LRRC1: variants seen among roughly 807,000 people sequenced by gnomAD.
LRRC1 encodes the protein leucine rich repeat containing 1, also known as leucine-rich repeat-containing protein 1.
A neutral mutation model predicts 69.9 loss-of-function variants in LRRC1; 28 were observed. The ratio of observed to expected loss-of-function variants is 0.40; its 90% CI spans 0.30 to 0.55. The LOEUF (loss-of-function observed/expected upper bound fraction) is 0.55. LRRC1 is among the 20% of genes least tolerant of loss of function. The probability of loss-of-function intolerance (pLI) is 0.47; values close to 1 mark genes in which losing one functional copy is unlikely to be tolerated. For missense variants in LRRC1, 498 were observed against 609.0 expected, an observed-to-expected ratio of 0.82 and a Z score of 1.92; for synonymous variants, 236 against 240.2, an observed-to-expected ratio of 0.98 and a Z score of 0.16.
chr6:53,797,571 C>A (rs1446171787), intron 1 of LRRC1, among the ~76,000 whole-genome samples: 2 of 152,018 alleles, frequency 1.3e-5, no homozygotes, highest in African/African-American at 2.4e-5. Context: ...CTGCCACACA[C>A]AAGCGCATCT....
chr6:53,841,564 A>ATCTT (rs1284924380), intron 1 of LRRC1, among the ~76,000 whole-genome samples: 1 of 152,168 alleles, frequency 6.6e-6, no homozygotes, highest in African/African-American at 2.4e-5. Flanking sequence ...ATGGGGAAAG[A>ATCTT]GCATGTACTC....
chr6:53,906,955 G>A (rs369780183), intron 10 of LRRC1, among the ~76,000 whole-genome samples: 2 of 152,158 alleles, frequency 1.3e-5, no homozygotes, highest in South Asian at 2.1e-4. Context: ...ATTCTCCCTC[G>A]GATCACAGTT....
intron 10 of LRRC1, 36 bp from the exon 11 acceptor site, chr6:53,913,818 A>T (rs1768485901): frequency 6.9e-7 from 1 of 1,459,508 alleles, no homozygotes; most frequent in Non-Finnish European, 9.6e-7. Context: ...TCCCCTAGAA[A>T]ACTGGAAAAA....
chr6:53,842,658 C>T (rs137945318), intron 2 of LRRC1, among the ~76,000 whole-genome samples: 114 of 152,138 alleles, frequency 7.5e-4, no homozygotes, highest in African/African-American at 2.7e-3. Context: ...GGTTTTTGTC[C>T]AGTGCTTGGG....
chr6:53,868,427 G>C (rs1446320952), intron 2 of LRRC1, among the ~76,000 whole-genome samples: 2 of 152,212 alleles, frequency 1.3e-5, no homozygotes, highest in East Asian at 3.9e-4. Context: ...GTTTCCCCAT[G>C]TTGGCCCAGG....
intron 2 of LRRC1, among the ~76,000 whole-genome samples, chr6:53,875,503 A>G (rs1014968693): frequency 6.6e-6 from 1 of 152,134 alleles, no homozygotes; most frequent in South Asian, 2.1e-4. Flanking sequence ...AAAAATCACA[A>G]TAAAAGATTA....
rs1768779778 is a variant in LRRC1, at chr6:53,922,821, T to C, written c.*28T>C. ...TTTCACCTCCAAGTTTTACCTCCTGTGTCTTCCTCTGCTGTCGAGACGTTC... is the reference window on the plus strand; with the variant it reads ...TTTCACCTCCAAGTTTTACCTCCTGCGTCTTCCTCTGCTGTCGAGACGTTC... On this transcript the variant is annotated 3_prime_UTR_variant, in exon 14 of 14. Transcript: ENST00000370888. 1 of 1,604,548 alleles carries C rather than the reference T, an allele frequency of 6.2e-7. No individual in the cohort carries two copies. The highest frequency in any genetic ancestry group is 2.2e-5 in the East Asian group (1 of 44,762).
intron 1 of LRRC1, among the ~76,000 whole-genome samples, chr6:53,824,124 CTT>C (rs572379001): frequency 3.4e-5 from 5 of 146,308 alleles, no homozygotes; most frequent in Admixed American, 6.8e-5. Context: ...TTAAGTGTTC[CTT>C]TTTTTTTTTT....
rs563097379 is a variant in LRRC1 at position 53,880,623 on chromosome 6, C to T, written c.356+1552C>T. On this transcript the variant is annotated intron_variant, in intron 3 of 13. Coordinates refer to ENST00000370888, the MANE Select transcript of LRRC1 (RefSeq NM_018214.5). ...TCCTTAAGTTGCAGTTTGAGCATCA[C>T]ACGTTTTCCAGAAGGCTTTCCCAAT... Among the ~76,000 whole-genome samples the T allele has an allele frequency of 2.6e-4, 39 of 152,306 alleles. 1 individual carries two copies. The highest frequency in any genetic ancestry group is 9.4e-4 in the African/African-American group (39 of 41,572).
chr6:53,910,822 C>A (rs949516114), intron 10 of LRRC1, among the ~76,000 whole-genome samples: 1 of 152,192 alleles, frequency 6.6e-6, no homozygotes. Context: ...TCCATCATAC[C>A]GCATCTCCCT....
At chr6:53,862,581 T>C (rs1356320883) in intron 2 of LRRC1, among the ~76,000 whole-genome samples, 2 of 152,118 alleles carry the variant, frequency 1.3e-5, no homozygotes, top group Non-Finnish European at 2.9e-5. Flanking sequence ...CCTTTTTGAT[T>C]AGGAAAAATT....
chr6:53,861,738 C>T (rs1766531390), intron 2 of LRRC1, among the ~76,000 whole-genome samples: 1 of 151,938 alleles, frequency 6.6e-6, no homozygotes, highest in Non-Finnish European at 1.5e-5. Flanking sequence ...CCTCCTCTCA[C>T]CTTCTCTGTG....
intron 2 of LRRC1, among the ~76,000 whole-genome samples, chr6:53,874,042 G>A (rs890645597): frequency 3.9e-5 from 6 of 152,272 alleles, no homozygotes; most frequent in African/African-American, 7.2e-5. Flanking sequence ...GGCATGGCGC[G>A]GCCTTGCTTG....
chr6:53,852,370 G>A (rs9382247), intron 2 of LRRC1, among the ~76,000 whole-genome samples: 56,449 of 151,980 alleles, frequency 0.37, 10,960 homozygotes, highest in East Asian at 0.64. Context: ...ATACAGGGTG[G>A]GTGTGAGGAC....
At chr6:53,802,707 T>A (rs1028650738) in intron 1 of LRRC1, among the ~76,000 whole-genome samples, 21 of 152,246 alleles carry the variant, frequency 1.4e-4, no homozygotes, top group African/African-American at 4.8e-4. Context: ...GTTCTAGTTT[T>A]CTGAGTAATA....
rs193193154 is a variant in LRRC1, at chr6:53,811,356, G to A, written c.159+15941G>A. On this transcript the variant is annotated intron_variant, in intron 1 of 13. Transcript: ENST00000370888. ...TCCACCTGAGAGGCAGGTGACGATG[G>A]TGGCTGAGTCAGCATGTCCTGCTGG... Among the ~76,000 whole-genome samples, 30 of 152,328 alleles carry A rather than the reference G, an allele frequency of 2.0e-4. No homozygotes were observed. The South Asian group carries it at 2.9e-3, about 15-fold the overall frequency.
intron 1 of LRRC1, among the ~76,000 whole-genome samples, chr6:53,797,602 A>G (rs566464506): frequency 8.5e-5 from 13 of 152,262 alleles, no homozygotes; most frequent in African/African-American, 3.1e-4. Flanking sequence ...CAAGCCTCAA[A>G]GGTCCTTATT....
chr6:53,853,134 T>C (rs1181660040), intron 2 of LRRC1, among the ~76,000 whole-genome samples: 2 of 152,136 alleles, frequency 1.3e-5, no homozygotes, highest in African/African-American at 4.8e-5. Flanking sequence ...ATAAAGGCAC[T>C]AATCCCATTC....
At chr6:53,868,100 T>TATA (rs2127425795) in intron 2 of LRRC1, among the ~76,000 whole-genome samples, 1 of 152,286 alleles carries the variant, frequency 6.6e-6, no homozygotes, top group Non-Finnish European at 1.5e-5. Flanking sequence ...AACTATATAA[T>TATA]AATAAGTATT....
Sources: allele counts gnomAD v4.1 joint callset (sites outside exome capture counted in the v4.1 genomes callset), GRCh38; gene constraint gnomAD v4.1.1; transcripts MANE v1.5; gene names NCBI Gene and HGNC (gene_info 2026-07-23, HGNC 2026-07-21).